FAM120A: variants seen among roughly 807,000 people sequenced by gnomAD.
FAM120A encodes constitutive coactivator of PPAR-gamma-like protein 1.
FAM120A carries 15 observed loss-of-function variants against 109.7 expected under a neutral mutation model. The ratio of observed to expected loss-of-function variants is 0.14; its 90% CI spans 0.09 to 0.21. FAM120A has a LOEUF of 0.21. FAM120A is among the 10% of genes least tolerant of loss of function. The probability of loss-of-function intolerance (pLI) is 1.00; values close to 1 mark genes in which losing one functional copy is unlikely to be tolerated. For synonymous variants in FAM120A, 493 were observed against 572.8 expected (o/e 0.86, Z 1.99); for missense variants, 899 against 1,439.3 (o/e 0.62, Z 6.07).
At chr9:93,502,111 A>G (rs2131362705) in intron 5 of FAM120A, among the ~76,000 whole-genome samples, 1 of 152,338 alleles carries the variant, frequency 6.6e-6, no homozygotes, top group South Asian at 2.1e-4. Flanking sequence ...AGTCCATTAT[A>G]TTATTCTACA....
At chr9:93,535,432 T>C (rs1861480249) in intron 10 of FAM120A, among the ~76,000 whole-genome samples, 1 of 152,234 alleles carries the variant, frequency 6.6e-6, no homozygotes, top group Admixed American at 6.5e-5. Context: ...CAGGTGCAGA[T>C]GACCTTTGCC....
In FAM120A at chr9:93,500,657, A is replaced by G. The variant is rs534501320; in HGVS notation, c.1030+1771A>G. On this transcript the variant is annotated intron_variant, in intron 5 of 17. Transcript: ENST00000277165. The surrounding 1 kb of genome is among the most constrained non-coding windows in gnomAD (Gnocchi z 4.6). ...TTTAAATCAAGAGAGTGAAGTGGTG[A>G]GATGTGTTTTAGGATTATTTTTGGA... 6.6e-5 allele frequency among the ~76,000 whole-genome samples: 10 copies of G among 152,286 alleles called. No individual in the cohort carries two copies. The highest frequency in any genetic ancestry group is 2.4e-4 in the African/African-American group (10 of 41,540).
chr9:93,556,602 G>C lies in FAM120A; in HGVS notation c.2484+11G>C. 1 of 1,613,288 alleles carries C rather than the reference G, an allele frequency of 6.2e-7. No homozygotes were observed. Among genetic ancestry groups the C allele is most frequent in the African/African-American group, 1.3e-5 (1 of 75,032 alleles). On this transcript the variant is annotated intron_variant, in intron 13 of 17. Transcript: ENST00000277165. ...CTCTGTGATGGTCAGGTATGCTGCG[G>C]GGCCGGGTGGCTGCCTTTAACTGCA...
At chr9:93,453,088 G>T (rs929547327) in intron 1 of FAM120A, 44 of 1,064,044 alleles carry the variant, frequency 4.1e-5, no homozygotes, top group Admixed American at 5.5e-5. Context: ...GTGACTTCAC[G>T]TCCGTGTGAA....
At position 93,452,853 on chromosome 9, in the gene FAM120A, C is replaced by G; in HGVS notation, c.474+464C>G. On this transcript the variant is annotated intron_variant, in intron 1 of 17. Coordinates refer to ENST00000277165, the MANE Select transcript of FAM120A (RefSeq NM_014612.5). This position sits in a 1 kb window ranked among gnomAD's most constrained non-coding sequence, Gnocchi z 7.0. The stretch of plus-strand genomic sequence containing the variant: ...TAATAGAGGGGGTTTCGCCAGAGCC[C>G]TTGGGGGCTGCAAATATCAGTGCTG... 6.7e-7 allele frequency: 1 copy of G among 1,490,326 alleles called. No individual in the cohort carries two copies. The allele number at this position is 1,490,326 out of a possible 1,614,324, so 92.3% of individuals were successfully genotyped here. A position where few individuals can be genotyped will look rare whatever the true frequency, so the allele number is the denominator to read the frequency against.
chr9:93,538,808 A>G (rs918184351), intron 10 of FAM120A, among the ~76,000 whole-genome samples: 6 of 152,214 alleles, frequency 3.9e-5, no homozygotes, highest in African/African-American at 1.2e-4. Flanking sequence ...CAGATTTCCA[A>G]GGTGGCTTAG....
At chr9:93,548,183 T>G (rs984915030) in intron 11 of FAM120A, among the ~76,000 whole-genome samples, 9 of 152,054 alleles carry the variant, frequency 5.9e-5, no homozygotes, top group African/African-American at 1.9e-4. Flanking sequence ...TCGGCTCACT[T>G]CAAGCTCCGT....
chr9:93,557,629 C>A (rs1024600478), intron 13 of FAM120A, among the ~76,000 whole-genome samples, 198 bp from the exon 14 acceptor site: 1 of 152,164 alleles, frequency 6.6e-6, no homozygotes, highest in South Asian at 2.1e-4. Context: ...AGTCTGCAGA[C>A]GACCAGAAAA....
At chr9:93,558,437 C>T (rs1462073480) in intron 14 of FAM120A, 144 bp from the exon 15 acceptor site, 1 of 1,024,978 alleles carries the variant, frequency 9.8e-7, no homozygotes, top group Non-Finnish European at 1.4e-6. Flanking sequence ...ACCATGGGCA[C>T]AGGACAGTGA....
chr9:93,503,286 A>G (rs187092250), intron 5 of FAM120A, among the ~76,000 whole-genome samples: 1 of 152,206 alleles, frequency 6.6e-6, no homozygotes, highest in Admixed American at 6.5e-5. Context: ...CTGCACACAG[A>G]TATTTAAAGC....
chr9:93,558,711 C>T lies in FAM120A; in HGVS notation c.2799C>T (p.Ser933=), dbSNP rs772735448. The part of the protein sequence containing the change: ...SGSDSSRTSK[S]QGGVQPIPSQ... The stretch of plus-strand genomic sequence containing the variant: ...GTGACAGCAGCAGGACTAGCAAGTC[C>T]CAGGGCGGTAATTATACCCACCCCT... The change falls in exon 15 of 18, where the codon TCC becomes TCT. Residue 933 remains serine, a synonymous_variant. Coordinates refer to ENST00000277165, the MANE Select transcript of FAM120A (RefSeq NM_014612.5). 6.2e-7 allele frequency: 1 copy of T among 1,613,870 alleles called. No homozygotes were observed. The highest frequency in any genetic ancestry group is 8.5e-7 in the Non-Finnish European group (1 of 1,179,944).
chr9:93,502,793 A>G (rs796901988), intron 5 of FAM120A, among the ~76,000 whole-genome samples: 6 of 152,340 alleles, frequency 3.9e-5, no homozygotes, highest in African/African-American at 1.4e-4. Context: ...TCTCCACGAA[A>G]TCACCAATCT....
intron 3 of FAM120A, among the ~76,000 whole-genome samples, chr9:93,489,606 A>G (rs1288534669): frequency 2.0e-5 from 3 of 152,238 alleles, no homozygotes; most frequent in African/African-American, 7.2e-5. Flanking sequence ...GTATACGTGC[A>G]TAGCAGTTTC....
chr9:93,536,173 T>C (rs979417100), intron 10 of FAM120A, among the ~76,000 whole-genome samples: 8 of 152,360 alleles, frequency 5.3e-5, no homozygotes, highest in Middle Eastern at 3.4e-3. Flanking sequence ...ATTTGCTGTC[T>C]AATCTATGGC....
At chr9:93,527,383 A>G in intron 8 of FAM120A, 141 bp downstream of exon 8, 2 of 655,774 alleles carry the variant, frequency 3.0e-6, no homozygotes, top group South Asian at 3.9e-5. Context: ...TAAGCGGGAA[A>G]GGAAGAGTTC....
intron 10 of FAM120A, among the ~76,000 whole-genome samples, chr9:93,535,174 G>A (rs916110004): frequency 9.2e-5 from 14 of 152,220 alleles, no homozygotes; most frequent in African/African-American, 3.4e-4. Context: ...GGTTTGGTGC[G>A]TCAGAAAATT....
At chr9:93,454,380 G>A (rs1467240696) in intron 1 of FAM120A, among the ~76,000 whole-genome samples, 1 of 152,164 alleles carries the variant, frequency 6.6e-6, no homozygotes, top group East Asian at 1.9e-4. Context: ...CAGCAACCAA[G>A]CAAGATGTCA....
At chr9:93,483,382 G>T (rs956182554) in intron 3 of FAM120A, among the ~76,000 whole-genome samples, 5 of 147,516 alleles carry the variant, frequency 3.4e-5, no homozygotes, top group Admixed American at 6.8e-5. Flanking sequence ...CTGTTTGTTT[G>T]TTTTTTTTTT....
At chr9:93,495,131 G>A (rs958859078) in intron 3 of FAM120A, among the ~76,000 whole-genome samples, 1 of 152,186 alleles carries the variant, frequency 6.6e-6, no homozygotes, top group African/African-American at 2.4e-5. Flanking sequence ...GGCCCTCCGT[G>A]GCTGCCAAGG....
Sources: allele counts gnomAD v4.1 joint callset (sites outside exome capture counted in the v4.1 genomes callset), GRCh38; gene constraint gnomAD v4.1.1; non-coding constraint Gnocchi (gnomAD v3.1); transcripts MANE v1.5; gene names NCBI Gene and HGNC (gene_info 2026-07-23, HGNC 2026-07-21).